LAS1L: variants seen among roughly 807,000 people sequenced by gnomAD.
LAS1L encodes ribosomal biogenesis protein LAS1L.
In LAS1L, 5 loss-of-function variants were observed where a neutral mutation model predicts 57.3. The ratio of observed to expected loss-of-function variants is 0.09; its 90% CI spans 0.05 to 0.18. The LOEUF (loss-of-function observed/expected upper bound fraction) is 0.18. Among genes scored for constraint, LAS1L ranks in the 10% least tolerant of loss-of-function variants. The pLI is 1.00. For synonymous variants in LAS1L, 245 were observed against 231.7 expected (o/e 1.06, Z -0.52); for missense variants, 360 against 568.3 (o/e 0.63, Z 3.73).
chrX:65,524,425 C>T (rs896274526), intron 9 of LAS1L, 139 bp downstream of exon 9: 3 of 495,706 alleles, frequency 6.1e-6, no homozygotes, highest in Non-Finnish European at 1.1e-5. Context: ...AGAGTTGCCA[C>T]CGCAGAACAA....
At chrX:65,531,329 G>GT (rs761473929) in intron 4 of LAS1L, 28 bp downstream of exon 4, 1 of 1,124,094 alleles carries the variant, frequency 8.9e-7, no homozygotes, top group South Asian at 1.8e-5. Context: ...GGGCTTAACT[G>GT]TGATAGGTAT....
chrX:65,528,744 T>A (rs1472624310), intron 6 of LAS1L, among the ~76,000 whole-genome samples: 1 of 112,764 alleles, frequency 8.9e-6, no homozygotes, highest in African/African-American at 3.2e-5. Context: ...GGTTCTATCA[T>A]TAACTGTATA....
chrX:65,520,778 C>T, intron 11 of LAS1L: 2 of 754,188 alleles, frequency 2.7e-6, no homozygotes, highest in Non-Finnish European at 3.1e-6. Flanking sequence ...TCTCTGTGGT[C>T]CAGACTTCTC....
In LAS1L at chrX:65,514,933, T is replaced by C; in HGVS notation, c.1968A>G (p.Pro656=). 1 of 1,210,711 alleles carries C rather than the reference T, an allele frequency of 8.3e-7. No individual in the cohort carries two copies. The highest frequency in any genetic ancestry group is 1.1e-6 in the Non-Finnish European group (1 of 894,754). The change falls in exon 13 of 14, where the codon CCA becomes CCG. Residue 656 remains proline, a synonymous_variant. Transcript: ENST00000374811. ...GCTCTGCTGGGTCCTCGGTCTGACCTGGCATTCGGCCTAGGGGAAATGTGT... is the reference window on the plus strand; with the variant it reads ...GCTCTGCTGGGTCCTCGGTCTGACCCGGCATTCGGCCTAGGGGAAATGTGT... ...RWDTFPLGRM[P]GQTEDPAELM...
Position 65,531,345 on chromosome X carries a change from C to T in LAS1L, c.514+12G>A. 8.4e-7 allele frequency: 1 copy of T among 1,184,127 alleles called. No homozygotes were observed. Among genetic ancestry groups the T allele is most frequent in the Non-Finnish European group, 1.1e-6 (1 of 870,668 alleles). ...GGCTTAACTGTGATAGGTATAACCT[C>T]TGAGGACTCACCTCTGCGGCAGTCA... On this transcript the variant is annotated intron_variant, in intron 4 of 13. Coordinates refer to ENST00000374811, the MANE Select transcript of LAS1L (RefSeq NM_031206.7).
chrX:65,518,810 A>C, intron 11 of LAS1L: 1 of 753,424 alleles, frequency 1.3e-6, no homozygotes, highest in Non-Finnish European at 1.6e-6. Context: ...TCTGCACTTA[A>C]AAGCTACATA....
chrX:65,523,838 G>C, intron 10 of LAS1L, 131 bp from the exon 11 acceptor site: 1 of 825,554 alleles, frequency 1.2e-6, no homozygotes, highest in Non-Finnish European at 1.7e-6. Context: ...ACTGCTCAAA[G>C]AATTCAGGGC....
Position 65,532,557 on chromosome X carries a change from G to A in LAS1L, c.432+4C>T, listed in dbSNP as rs2069553141. On this transcript the variant is annotated splice_donor_region_variant and intron_variant, in intron 3 of 13. Coordinates refer to ENST00000374811, the MANE Select transcript of LAS1L (RefSeq NM_031206.7). The stretch of plus-strand genomic sequence containing the variant: ...ATTGAGCAAGTTCACTGAATCATAC[G>A]CACCTCTTGAGCCAGACACTTGAGG... 10 of 1,196,246 alleles carry A rather than the reference G, an allele frequency of 8.4e-6. No homozygotes were observed. Among genetic ancestry groups the A allele is most frequent in the East Asian group, 3.0e-5 (1 of 33,755 alleles).
chrX:65,519,420 G>A (rs1300690425), intron 11 of LAS1L, among the ~76,000 whole-genome samples: 2 of 112,005 alleles, frequency 1.8e-5, no homozygotes, highest in East Asian at 2.8e-4. Context: ...GACCAGGGAG[G>A]AGCCTGTTCC....
At chrX:65,516,587 C>T (rs946806680) in intron 12 of LAS1L, among the ~76,000 whole-genome samples, 2 of 108,317 alleles carry the variant, frequency 1.8e-5, no homozygotes, top group Admixed American at 1.0e-4. Context: ...AGCTGTACGA[C>T]AGCCTGCTTG....
chrX:65,534,732 G>T lies in LAS1L; in HGVS notation c.-17C>A. Reference sequence around the variant, plus strand: ...CCACGACATACTGAGCTCAACAACAGGCTCTGTGCCGCGCCGCTCCGCACA... The same window carrying T: ...CCACGACATACTGAGCTCAACAACATGCTCTGTGCCGCGCCGCTCCGCACA... On this transcript the variant is annotated 5_prime_UTR_variant, in exon 1 of 14. It adds an upstream start codon to the 5' untranslated region. Transcript: ENST00000374811. The T allele has an allele frequency of 8.9e-7, 1 of 1,125,766 alleles. No homozygotes were observed. Among genetic ancestry groups the T allele is most frequent in the Non-Finnish European group, 1.2e-6 (1 of 836,466 alleles). 92.8% of individuals were successfully genotyped at this position (1,125,766 alleles called of 1,213,427 possible). A position where few individuals can be genotyped will look rare whatever the true frequency, so the allele number is the denominator to read the frequency against.
intron 12 of LAS1L, among the ~76,000 whole-genome samples, chrX:65,516,494 C>G (rs2068633550): frequency 9.0e-6 from 1 of 110,692 alleles, no homozygotes; most frequent in South Asian, 3.9e-4. Flanking sequence ...CCATAGCCAC[C>G]AACCTCAATG....
Position 65,523,709 on chromosome X carries a change from TGAGA to T in LAS1L, c.1301-6_1301-3del. ...CAGAAAATCGGCGAGCATTCCGTCC[TGAGA>T]GAGAAGAGAGGATCTAAGGAGAAGG... On this transcript the variant is annotated splice_polypyrimidine_tract_variant and splice_region_variant and intron_variant, in intron 10 of 13. Transcript: ENST00000374811. The T allele has an allele frequency of 8.5e-7, 1 of 1,180,568 alleles. No individual in the cohort carries two copies. The highest frequency in any genetic ancestry group is 1.1e-6 in the Non-Finnish European group (1 of 880,192).
chrX:65,519,657 A>C (rs2068773176), intron 11 of LAS1L, among the ~76,000 whole-genome samples: 1 of 111,588 alleles, frequency 9.0e-6, no homozygotes, highest in Non-Finnish European at 1.9e-5. Flanking sequence ...TCGAGGGGAG[A>C]GGAGGGTGAG....
chrX:65,533,863 A>C, intron 1 of LAS1L, 128 bp from the exon 2 acceptor site: 1 of 700,418 alleles, frequency 1.4e-6, no homozygotes, highest in Non-Finnish European at 2.1e-6. Flanking sequence ...CAGACACAAA[A>C]CAAGAAGGTG....
chrX:65,520,790 G>A (rs1185272876), intron 11 of LAS1L: 4 of 752,231 alleles, frequency 5.3e-6, no homozygotes, highest in South Asian at 1.4e-4. Context: ...AGACTTCTCC[G>A]AGACCAGCAG....
At chrX:65,523,464 C>A in intron 11 of LAS1L, 96 bp downstream of exon 11, 2 of 920,519 alleles carry the variant, frequency 2.2e-6, no homozygotes, top group Non-Finnish European at 2.9e-6. Flanking sequence ...CTAGACTGTC[C>A]CCAAAGGGCC....
At chrX:65,527,283 C>T (rs1377249652) in intron 7 of LAS1L, among the ~76,000 whole-genome samples, 1 of 96,802 alleles carries the variant, frequency 1.0e-5, no homozygotes, top group Non-Finnish European at 2.0e-5. Context: ...TACCTGTGAT[C>T]CCAGCACTTT....
chrX:65,517,014 C>A (rs1445029315), intron 12 of LAS1L, among the ~76,000 whole-genome samples: 4 of 110,950 alleles, frequency 3.6e-5, no homozygotes, highest in African/African-American at 1.3e-4. Flanking sequence ...CCACACTGTT[C>A]TGTCATCCCT....
Sources: allele counts gnomAD v4.1 joint callset (sites outside exome capture counted in the v4.1 genomes callset), GRCh38; gene constraint gnomAD v4.1.1; transcripts MANE v1.5; gene names NCBI Gene and HGNC (gene_info 2026-07-23, HGNC 2026-07-21).